The following CDK8 variants were observed in gnomAD, a reference collection of about 807,000 sequenced individuals.
The protein encoded by CDK8 is cyclin dependent kinase 8.
Under a neutral mutation model 71.5 loss-of-function variants are expected in CDK8, and 29 were observed. The observed-to-expected ratio is 0.41, with a 90% confidence interval of 0.30 to 0.55. The LOEUF is 0.55. Among genes scored for constraint, CDK8 ranks in the 20% least tolerant of loss-of-function variants. CDK8 has a pLI of 0.37. For missense variants in CDK8, 288 were observed against 572.6 expected, an observed-to-expected ratio of 0.50 and a Z score of 5.07; for synonymous variants, 161 against 192.1, an observed-to-expected ratio of 0.84 and a Z score of 1.34.
chr13:26,308,426 G>C (rs1381040377), intron 1 of CDK8, among the ~76,000 whole-genome samples: 2 of 152,206 alleles, frequency 1.3e-5, no homozygotes, highest in African/African-American at 4.8e-5. Context: ...AGCTAGCTCT[G>C]TGACCTTGGC....
chr13:26,306,826 A>G (rs1398681722), intron 1 of CDK8, among the ~76,000 whole-genome samples: 3 of 151,886 alleles, frequency 2.0e-5, no homozygotes, highest in Admixed American at 6.5e-5. Context: ...ACAGGGTTTC[A>G]CCATGTTGGC....
chr13:26,369,346 A>T (rs973163055), intron 4 of CDK8, among the ~76,000 whole-genome samples: 1 of 143,778 alleles, frequency 7.0e-6, no homozygotes, highest in African/African-American at 2.6e-5. Flanking sequence ...GCTACTCAGG[A>T]GGCTGAAGTG....
chr13:26,259,379 G>A (rs934411338), intron 1 of CDK8, among the ~76,000 whole-genome samples: 5 of 152,060 alleles, frequency 3.3e-5, no homozygotes, highest in Non-Finnish European at 5.9e-5. Flanking sequence ...AAAAAATAGA[G>A]TATAACAACT....
chr13:26,398,548 T>G (rs951621991), intron 9 of CDK8, among the ~76,000 whole-genome samples: 6 of 152,212 alleles, frequency 3.9e-5, no homozygotes, highest in Non-Finnish European at 7.3e-5. Context: ...ATTAAAACTG[T>G]TGGGTATTTT....
chr13:26,391,058 T>G (rs915905780), intron 6 of CDK8, among the ~76,000 whole-genome samples: 6 of 151,812 alleles, frequency 4.0e-5, no homozygotes, highest in Non-Finnish European at 7.4e-5. Flanking sequence ...AATTAGAAAT[T>G]TATCTGCAAT....
intron 6 of CDK8, among the ~76,000 whole-genome samples, chr13:26,387,453 C>G (rs777981611): frequency 1.5e-4 from 23 of 152,140 alleles, no homozygotes; most frequent in Non-Finnish European, 1.3e-4. Context: ...CCACCGTTGC[C>G]TGGGGTAACC....
rs145088095 is a variant in CDK8, at chr13:26,254,863, C to G, written c.128+94C>G. ...GAGGGAGAGCGGGCCGCCGGGGTGC[C>G]GGGCTCTGACTTCCTCGACGCCGGC... On this transcript the variant is annotated intron_variant, in intron 1 of 12. Transcript: ENST00000381527. The surrounding 1 kb of genome is among the most constrained non-coding windows in gnomAD (Gnocchi z 6.7). The G allele has an allele frequency of 7.2e-5, 110 of 1,519,774 alleles. No homozygotes were observed. The highest frequency in any genetic ancestry group is 9.3e-5 in the Non-Finnish European group (104 of 1,124,104). 94.1% of individuals were successfully genotyped at this position (1,519,774 alleles called of 1,614,324 possible).
chr13:26,317,744 A>G (rs1347875670), intron 1 of CDK8, among the ~76,000 whole-genome samples: 1 of 152,206 alleles, frequency 6.6e-6, no homozygotes, highest in East Asian at 1.9e-4. Flanking sequence ...CCTAGAGACA[A>G]ATGAAAATGA....
At chr13:26,341,099 C>T (rs189297656) in intron 2 of CDK8, among the ~76,000 whole-genome samples, 128 of 152,264 alleles carry the variant, frequency 8.4e-4, no homozygotes, top group African/African-American at 3.1e-3. Flanking sequence ...GACTTTTCTA[C>T]TCACCTCTAC....
intron 10 of CDK8, 84 bp downstream of exon 10, chr13:26,400,634 C>T: frequency 1.2e-6 from 1 of 826,634 alleles, no homozygotes; most frequent in Non-Finnish European, 2.1e-6. Flanking sequence ...TTAAGTTGCT[C>T]CTCCTCTTAT....
At chr13:26,306,491 A>G (rs1056691653) in intron 1 of CDK8, among the ~76,000 whole-genome samples, 1 of 152,112 alleles carries the variant, frequency 6.6e-6, no homozygotes, top group Non-Finnish European at 1.5e-5. Flanking sequence ...TATTTAAAAT[A>G]ATATGAATCC....
chr13:26,320,990 T>C (rs2137947236), intron 1 of CDK8, among the ~76,000 whole-genome samples: 1 of 152,322 alleles, frequency 6.6e-6, no homozygotes, highest in South Asian at 2.1e-4. Flanking sequence ...AATTACTGTA[T>C]TATTCAGCAA....
chr13:26,313,581 G>T (rs1277240770), intron 1 of CDK8, among the ~76,000 whole-genome samples: 1 of 152,146 alleles, frequency 6.6e-6, no homozygotes, highest in Admixed American at 6.5e-5. Flanking sequence ...ACACATTTCA[G>T]GGAATTTGGT....
At chr13:26,309,162 C>T (rs1426329768) in intron 1 of CDK8, among the ~76,000 whole-genome samples, 6 of 142,870 alleles carry the variant, frequency 4.2e-5, no homozygotes, top group East Asian at 2.0e-4. Flanking sequence ...TTTTTTGAGA[C>T]GGAGTCTTGC....
At chr13:26,397,463 G>A (rs554421399) in intron 9 of CDK8, among the ~76,000 whole-genome samples, 25 of 152,222 alleles carry the variant, frequency 1.6e-4, no homozygotes, top group African/African-American at 3.9e-4. Context: ...TAAAGATAGC[G>A]ATGGTAACAA....
In CDK8 at chr13:26,314,341, ACAT is replaced by A. The variant is rs1446342977; in HGVS notation, c.129-23220_129-23218del. ...TAAGAACATTTCTAAGTTTCTGTTAACATCATCAATCTAAATTCTTTGCTTTTA... is the reference window on the plus strand; with the variant it reads ...TAAGAACATTTCTAAGTTTCTGTTAACATCAATCTAAATTCTTTGCTTTTA... On this transcript the variant is annotated intron_variant, in intron 1 of 12. Coordinates refer to ENST00000381527, the MANE Select transcript of CDK8 (RefSeq NM_001260.3). 2.6e-5 allele frequency among the ~76,000 whole-genome samples: 4 copies of A among 152,382 alleles called. No homozygotes were observed. The East Asian group carries it at 7.7e-4, about 29-fold the overall frequency.
intron 3 of CDK8, among the ~76,000 whole-genome samples, chr13:26,350,873 A>G (rs116350589): frequency 4.7e-4 from 71 of 152,278 alleles, no homozygotes; most frequent in African/African-American, 1.5e-3. Context: ...TACTAAGCAG[A>G]TTATTTTTTA....
chr13:26,378,510 C>T (rs1430041969), intron 4 of CDK8, among the ~76,000 whole-genome samples: 3 of 152,130 alleles, frequency 2.0e-5, no homozygotes, highest in Admixed American at 2.0e-4. Context: ...ACAGTAGTAT[C>T]TCATAGATTT....
At chr13:26,398,074 C>G (rs542448628) in intron 9 of CDK8, among the ~76,000 whole-genome samples, 1 of 152,122 alleles carries the variant, frequency 6.6e-6, no homozygotes, top group African/African-American at 2.4e-5. Flanking sequence ...CTTTGTTTCT[C>G]CTTTTTCTTC....
Sources: allele counts gnomAD v4.1 joint callset (sites outside exome capture counted in the v4.1 genomes callset), GRCh38; gene constraint gnomAD v4.1.1; non-coding constraint Gnocchi (gnomAD v3.1); transcripts MANE v1.5; gene names NCBI Gene and HGNC (gene_info 2026-07-23, HGNC 2026-07-21).